The following ELAVL2 variants were observed in gnomAD, a reference collection of about 807,000 sequenced individuals.
ELAVL2 encodes the protein ELAV-like protein 2.
A neutral mutation model predicts 34.6 loss-of-function variants in ELAVL2; 4 were observed. The observed-to-expected ratio is 0.12, with a 90% CI of 0.06 to 0.26. The LOEUF is 0.26. Among genes scored for constraint, ELAVL2 ranks in the 10% least tolerant of loss-of-function variants. The probability of loss-of-function intolerance (pLI) is 1.00; values close to 1 mark genes in which losing one functional copy is unlikely to be tolerated. For missense variants in ELAVL2, 432 were observed against 442.8 expected, an observed-to-expected ratio of 0.98 and a Z score of 0.22; for synonymous variants, 193 against 154.8, an observed-to-expected ratio of 1.25 and a Z score of -1.83.
chr9:23,708,031 T>C (rs2133496116), intron 3 of ELAVL2, among the ~76,000 whole-genome samples: 1 of 149,788 alleles, frequency 6.7e-6, no homozygotes, highest in African/African-American at 2.4e-5. Context: ...AAAACATACC[T>C]AGGTCAGTTA....
chr9:23,818,767 T>C (rs1050026677), intron 1 of ELAVL2, among the ~76,000 whole-genome samples: 1 of 152,108 alleles, frequency 6.6e-6, no homozygotes, highest in African/African-American at 2.4e-5. Flanking sequence ...GGAGCGAAAA[T>C]ACTGATGCTA....
the ELAVL2 span, among the ~76,000 whole-genome samples, chr9:23,846,827 T>C: frequency 1.3e-5 from 2 of 152,064 alleles, no homozygotes; most frequent in African/African-American, 4.8e-5. Context: ...CCTCAGAATA[T>C]GTGGCAATTA....
At chr9:23,733,074 G>C (rs1187743122) in intron 2 of ELAVL2, among the ~76,000 whole-genome samples, 1 of 149,332 alleles carries the variant, frequency 6.7e-6, no homozygotes, top group Non-Finnish European at 1.5e-5. Context: ...TAGTCTAATT[G>C]CCCTTTCTAC....
At chr9:23,704,487 C>A (rs957717341) in intron 4 of ELAVL2, among the ~76,000 whole-genome samples, 2 of 152,108 alleles carry the variant, frequency 1.3e-5, no homozygotes, top group Non-Finnish European at 2.9e-5. Context: ...GGAAAACAGC[C>A]TGAACAGCAA....
At chr9:23,763,742 G>T (rs930661523) in intron 1 of ELAVL2, among the ~76,000 whole-genome samples, 2 of 152,150 alleles carry the variant, frequency 1.3e-5, no homozygotes, top group African/African-American at 4.8e-5. Context: ...AGACTGGTCA[G>T]ACTGAACAAG....
rs1208452008 is a variant in ELAVL2, at chr9:23,741,041, C to T, written c.230-9916G>A. Among the ~76,000 whole-genome samples the T allele has an allele frequency of 2.0e-5, 3 of 152,130 alleles. No individual in the cohort carries two copies. In the East Asian group the frequency reaches 5.8e-4, roughly 29 times the overall value. ...AGTAAACAAGGGAGAGAGGCAGGCACCTAATGAACATGAAATACATAAAGT... is the reference window on the plus strand; with the variant it reads ...AGTAAACAAGGGAGAGAGGCAGGCATCTAATGAACATGAAATACATAAAGT... On this transcript the variant is annotated intron_variant, in intron 2 of 6. Coordinates refer to ENST00000397312, the MANE Select transcript of ELAVL2 (RefSeq NM_004432.5).
At chr9:23,740,232 A>G (rs2135134637) in intron 2 of ELAVL2, among the ~76,000 whole-genome samples, 1 of 152,312 alleles carries the variant, frequency 6.6e-6, no homozygotes, top group East Asian at 1.9e-4. Flanking sequence ...TACCACTGCC[A>G]AACTAAACTA....
At chr9:23,793,574 C>T (rs2060569546) in intron 1 of ELAVL2, among the ~76,000 whole-genome samples, 1 of 152,142 alleles carries the variant, frequency 6.6e-6, no homozygotes, top group Admixed American at 6.5e-5. Context: ...CAACGATCCC[C>T]TCCCCTATCA....
At chr9:23,707,174 G>A (rs1486822005) in intron 3 of ELAVL2, among the ~76,000 whole-genome samples, 1 of 152,198 alleles carries the variant, frequency 6.6e-6, no homozygotes, top group Non-Finnish European at 1.5e-5. Flanking sequence ...TGAAGAACAA[G>A]TGGCCAATTT....
chr9:23,701,661 A>G lies in ELAVL2; in HGVS notation c.488-57T>C, dbSNP rs2037283259. ...GAGGGAACAGAAGGAGAAGGGAAGG[A>G]GAGAAGAAAGGACACATTAATTTTT... On this transcript the variant is annotated intron_variant, in intron 4 of 6. Transcript: ENST00000397312. The G allele has an allele frequency of 1.1e-5, 17 of 1,554,006 alleles. No individual in the cohort carries two copies. In the South Asian group the frequency reaches 1.8e-4, roughly 17 times the overall value.
intron 1 of ELAVL2, among the ~76,000 whole-genome samples, chr9:23,781,392 A>G (rs2059036872): frequency 6.6e-6 from 1 of 152,166 alleles, no homozygotes; most frequent in Non-Finnish European, 1.5e-5. Context: ...TTTCCCTCAA[A>G]AGGTCATGTT....
At chr9:23,741,093 A>G (rs893036937) in intron 2 of ELAVL2, among the ~76,000 whole-genome samples, 4 of 152,208 alleles carry the variant, frequency 2.6e-5, no homozygotes, top group Admixed American at 2.6e-4. Context: ...AGGCTTAACC[A>G]GGACCAGCTT....
the ELAVL2 span, among the ~76,000 whole-genome samples, chr9:23,846,544 A>G: frequency 6.6e-6 from 1 of 152,026 alleles, no homozygotes; most frequent in Non-Finnish European, 1.5e-5. Flanking sequence ...GGGTACAGTT[A>G]GGTCTTCCTC....
chr9:23,710,958 A>C (rs941699837), intron 3 of ELAVL2, among the ~76,000 whole-genome samples: 1 of 152,158 alleles, frequency 6.6e-6, no homozygotes, highest in African/African-American at 2.4e-5. Flanking sequence ...AAATTCACCC[A>C]AAAGGAAGAT....
At chr9:23,841,302 C>G in the ELAVL2 span, among the ~76,000 whole-genome samples, 1 of 152,092 alleles carries the variant, frequency 6.6e-6, no homozygotes, top group Non-Finnish European at 1.5e-5. Flanking sequence ...GCAGCTGGTA[C>G]ATTCTCAGAC....
intron 1 of ELAVL2, among the ~76,000 whole-genome samples, chr9:23,768,345 A>G (rs948908365): frequency 4.6e-5 from 7 of 152,242 alleles, no homozygotes; most frequent in African/African-American, 1.7e-4. Flanking sequence ...AGGGGTTTGT[A>G]CAAACTAAGC....
intron 1 of ELAVL2, among the ~76,000 whole-genome samples, chr9:23,795,661 A>G (rs2060832275): frequency 6.6e-6 from 1 of 152,254 alleles, no homozygotes; most frequent in Admixed American, 6.5e-5. Context: ...CATAAAATAC[A>G]GAACCTCTTA....
intron 1 of ELAVL2, among the ~76,000 whole-genome samples, chr9:23,804,929 TTC>T (rs921734555): frequency 5.3e-5 from 8 of 152,216 alleles, no homozygotes; most frequent in African/African-American, 1.9e-4. Flanking sequence ...AGCTCTAACA[TTC>T]TCTGATGTCC....
At chr9:23,696,748 G>T (rs972674017) in intron 5 of ELAVL2, among the ~76,000 whole-genome samples, 1 of 152,070 alleles carries the variant, frequency 6.6e-6, no homozygotes, top group African/African-American at 2.4e-5. Flanking sequence ...GGGATTACAG[G>T]AGTGAGCCAC....
Sources: gnomAD v4.1 joint callset for allele counts (sites outside exome capture counted in the v4.1 genomes callset) on GRCh38, gnomAD v4.1.1 for gene constraint, MANE v1.5 for transcripts, NCBI Gene and HGNC (gene_info 2026-07-23, HGNC 2026-07-21) for gene names.